Variants in CWC27 observed in about 807,000 individuals in gnomAD.
The protein encoded by CWC27 is spliceosome-associated protein CWC27 homolog.
In CWC27, 47 loss-of-function variants were observed where a neutral mutation model predicts 63.6. The observed-to-expected ratio is 0.74, with a 90% CI of 0.58 to 0.94. The LOEUF (loss-of-function observed/expected upper bound fraction) is 0.94, where lower values mean the gene tolerates loss of function less well. Ranked by LOEUF, CWC27 falls within the 40% of genes least tolerant of loss-of-function variation. The pLI, the probability that CWC27 is intolerant of heterozygous loss-of-function variation, is 0.00. For missense variants in CWC27, 495 were observed against 554.3 expected (o/e 0.89, Z 1.07); for synonymous variants, 175 against 179.8 (o/e 0.97, Z 0.22).
At chr5:64,925,386 T>TC (rs1238756700) in intron 11 of CWC27, among the ~76,000 whole-genome samples, 1 of 152,204 alleles carries the variant, frequency 6.6e-6, no homozygotes, top group Non-Finnish European at 1.5e-5. Flanking sequence ...TGCTTTCCCT[T>TC]TCATGGGTTT....
At chr5:64,958,778 T>C (rs2112431582) in intron 11 of CWC27, among the ~76,000 whole-genome samples, 1 of 152,286 alleles carries the variant, frequency 6.6e-6, no homozygotes, top group Non-Finnish European at 1.5e-5. Context: ...TTGAGAATTA[T>C]TTTAAGCCCC....
chr5:64,937,605 A>C (rs921763198), intron 11 of CWC27, among the ~76,000 whole-genome samples: 1 of 152,182 alleles, frequency 6.6e-6, no homozygotes, highest in African/African-American at 2.4e-5. Flanking sequence ...GATTTCTATT[A>C]GGTCTGCTTG....
intron 10 of CWC27, among the ~76,000 whole-genome samples, chr5:64,855,166 A>T (rs1365488577): frequency 6.6e-6 from 1 of 152,102 alleles, no homozygotes; most frequent in Non-Finnish European, 1.5e-5. Context: ...GCAATTCTAG[A>T]CCTGTTGAAA....
intron 4 of CWC27, 41 bp downstream of exon 4, chr5:64,784,020 G>T: frequency 6.6e-7 from 1 of 1,504,784 alleles, no homozygotes; most frequent in Non-Finnish European, 8.9e-7. Flanking sequence ...TCAGTTTTTG[G>T]TTTTATGTTA....
intron 11 of CWC27, among the ~76,000 whole-genome samples, chr5:64,956,070 A>G (rs1580748147): frequency 6.6e-6 from 1 of 152,268 alleles, no homozygotes; most frequent in East Asian, 1.9e-4. Context: ...ACTATGATAG[A>G]AAATAACCCT....
intron 10 of CWC27, among the ~76,000 whole-genome samples, chr5:64,848,091 GA>G (rs1746037168): frequency 6.6e-6 from 1 of 151,780 alleles, no homozygotes; most frequent in Non-Finnish European, 1.5e-5. Context: ...GTTGATTTTT[GA>G]AAAAATAAAA....
At chr5:64,887,712 A>G (rs1251450132) in intron 11 of CWC27, among the ~76,000 whole-genome samples, 1 of 152,152 alleles carries the variant, frequency 6.6e-6, no homozygotes, top group Non-Finnish European at 1.5e-5. Context: ...TCATGGTATC[A>G]TTTTTAATCA....
intron 3 of CWC27, among the ~76,000 whole-genome samples, chr5:64,783,449 G>A (rs369321258): frequency 6.6e-6 from 1 of 152,216 alleles, no homozygotes; most frequent in Non-Finnish European, 1.5e-5. Context: ...AATGAGATGG[G>A]AAGGAGTAAT....
chr5:64,975,496 T>C (rs950694067), intron 12 of CWC27, among the ~76,000 whole-genome samples: 3 of 152,170 alleles, frequency 2.0e-5, no homozygotes, highest in African/African-American at 7.2e-5. Context: ...TGATGGACTC[T>C]GTAAATATGT....
chr5:64,978,153 G>A (rs1262258092), intron 13 of CWC27, among the ~76,000 whole-genome samples: 3 of 152,196 alleles, frequency 2.0e-5, no homozygotes, highest in Non-Finnish European at 4.4e-5. Flanking sequence ...CACAAATCTA[G>A]AGGGTGGAGG....
chr5:65,001,503 A>G (rs1749731630), intron 13 of CWC27, among the ~76,000 whole-genome samples: 1 of 152,022 alleles, frequency 6.6e-6, no homozygotes, highest in Non-Finnish European at 1.5e-5. Context: ...TCCGTGCCTA[A>G]TTTTTTGAGA....
chr5:64,951,230 A>G (rs914758098), intron 11 of CWC27, among the ~76,000 whole-genome samples: 7 of 151,864 alleles, frequency 4.6e-5, no homozygotes, highest in South Asian at 2.1e-4. Flanking sequence ...ATCCTTGTCA[A>G]TTAATGGTAT....
chr5:64,983,449 C>T (rs1413176461), intron 13 of CWC27, among the ~76,000 whole-genome samples: 1 of 152,134 alleles, frequency 6.6e-6, no homozygotes, highest in Non-Finnish European at 1.5e-5. Context: ...AGAAATTTGA[C>T]CTTGCAGACA....
intron 11 of CWC27, among the ~76,000 whole-genome samples, chr5:64,961,386 T>C (rs1317936832): frequency 6.6e-6 from 1 of 152,148 alleles, no homozygotes; most frequent in Non-Finnish European, 1.5e-5. Context: ...GTTGGACATT[T>C]CCTTCCCAAG....
Position 64,786,510 on chromosome 5 carries a change from A to T in CWC27, c.496-14A>T, listed in dbSNP as rs761827503. 12 of 1,461,958 alleles carry T rather than the reference A, an allele frequency of 8.2e-6. No individual in the cohort carries two copies. The highest frequency in any genetic ancestry group is 1.8e-4 in the Middle Eastern group (1 of 5,472). 90.6% of individuals were successfully genotyped at this position (1,461,958 alleles called of 1,614,324 possible). ...AAAAATGGAATAATGTTTTCGAAAT[A>T]TTTTTTTTCATAGGTTTTGTTTAAT... On this transcript the variant is annotated splice_polypyrimidine_tract_variant and intron_variant, in intron 5 of 13. Coordinates refer to ENST00000381070, the MANE Select transcript of CWC27 (RefSeq NM_005869.4).
At chr5:64,905,313 A>G (rs1396093991) in intron 11 of CWC27, among the ~76,000 whole-genome samples, 1 of 151,900 alleles carries the variant, frequency 6.6e-6, no homozygotes, top group African/African-American at 2.4e-5. Context: ...CTTAATAGGA[A>G]CATGTTACTT....
intron 11 of CWC27, among the ~76,000 whole-genome samples, chr5:64,967,371 C>T (rs1430438282): frequency 1.3e-5 from 2 of 151,928 alleles, no homozygotes; most frequent in East Asian, 1.9e-4. Context: ...TTTATACATT[C>T]AATGCAGCTA....
At chr5:64,933,183 C>A (rs1437081509) in intron 11 of CWC27, among the ~76,000 whole-genome samples, 3 of 152,116 alleles carry the variant, frequency 2.0e-5, no homozygotes, top group Non-Finnish European at 4.4e-5. Context: ...CTGGGTAACA[C>A]ACTCTGAGAA....
chr5:64,984,224 T>C (rs573978498), intron 13 of CWC27, among the ~76,000 whole-genome samples: 6 of 152,238 alleles, frequency 3.9e-5, no homozygotes, highest in Admixed American at 6.5e-5. Flanking sequence ...TGCACTTGAC[T>C]CTATGGGGTA....
Sources: gnomAD v4.1 joint callset for allele counts (sites outside exome capture counted in the v4.1 genomes callset) on GRCh38, gnomAD v4.1.1 for gene constraint, MANE v1.5 for transcripts, NCBI Gene and HGNC (gene_info 2026-07-23, HGNC 2026-07-21) for gene names.